CIT: variants seen among roughly 807,000 people sequenced by gnomAD.
The protein encoded by CIT is citron rho-interacting serine/threonine kinase, also known as citron Rho-interacting kinase.
A neutral mutation model predicts 272.7 loss-of-function variants in CIT; 79 were observed. That is an observed-to-expected ratio of 0.29 (90% CI 0.24 to 0.35). CIT has a LOEUF of 0.35. Ranked by LOEUF, CIT falls within the 10% of genes least tolerant of loss-of-function variation. CIT has a pLI of 1.00. For missense variants in CIT, 1,909 were observed against 2,618.3 expected (o/e 0.73, Z 5.91); for synonymous variants, 948 against 995.6 (o/e 0.95, Z 0.90).
chr12:119,857,421 G>A lies in CIT; in HGVS notation c.414+102C>T, dbSNP rs7304029. ...TATAATTAAATATAGAGTCACAGAGGAAAACGTGCTTGATCCTAGACGCCA... is the reference window on the plus strand; with the variant it reads ...TATAATTAAATATAGAGTCACAGAGAAAAACGTGCTTGATCCTAGACGCCA... On this transcript the variant is annotated intron_variant, in intron 4 of 47. Coordinates refer to ENST00000392521, the MANE Select transcript of CIT (RefSeq NM_001206999.2). 42,476 of 1,192,116 alleles carry A rather than the reference G, an allele frequency of 0.036. 1,581 individuals are homozygous for A. The highest frequency in any genetic ancestry group is 0.15 in the African/African-American group (9,894 of 65,716). 73.8% of individuals were successfully genotyped at this position (1,192,116 alleles called of 1,614,324 possible).
chr12:119,696,248 T>C (rs1051695271), intron 46 of CIT, among the ~76,000 whole-genome samples: 1 of 152,126 alleles, frequency 6.6e-6, no homozygotes, highest in African/African-American at 2.4e-5. Flanking sequence ...AGAAGTAAAA[T>C]TTAAAAAGAA....
chr12:119,711,021 G>A lies in CIT; in HGVS notation c.4855-401C>T, dbSNP rs759225810. ...AGTGCAAAGGCGCCGTGTTAGCAGC[G>A]AGCCAGCACGCCTCTGCATCTCTTT... On this transcript the variant is annotated intron_variant, in intron 37 of 47. Coordinates refer to ENST00000392521, the MANE Select transcript of CIT (RefSeq NM_001206999.2). 81 of 1,367,364 alleles carry A rather than the reference G, an allele frequency of 5.9e-5. 1 individual carries two copies. The highest frequency in any genetic ancestry group is 7.6e-5 in the Admixed American group (4 of 52,622). The allele number at this position is 1,367,364 out of a possible 1,614,324, so 84.7% of individuals were successfully genotyped here.
chr12:119,713,458 G>T lies in CIT; in HGVS notation c.4487+10C>A. The T allele has an allele frequency of 6.2e-7, 1 of 1,613,154 alleles. No individual in the cohort carries two copies. The highest frequency in any genetic ancestry group is 1.3e-5 in the African/African-American group (1 of 75,066). On this transcript the variant is annotated intron_variant, in intron 34 of 47. Coordinates refer to ENST00000392521, the MANE Select transcript of CIT (RefSeq NM_001206999.2). This position sits in a 1 kb window ranked among gnomAD's most constrained non-coding sequence, Gnocchi z 5.2. ...CACCTGCTCCAGCCCAAGCCACCCT[G>T]ACATGGTACCTGGGCACCTTCATCC...
intron 7 of CIT, among the ~76,000 whole-genome samples, chr12:119,827,504 C>G (rs1451757622): frequency 1.3e-5 from 2 of 151,440 alleles, no homozygotes; most frequent in African/African-American, 4.9e-5. Context: ...GTGCTGCGAT[C>G]TCAGCTCACT....
intron 9 of CIT, among the ~76,000 whole-genome samples, chr12:119,815,537 T>C (rs1390728222): frequency 6.6e-6 from 1 of 151,936 alleles, no homozygotes; most frequent in African/African-American, 2.4e-5. Flanking sequence ...AGAAACCCCA[T>C]CTCTACTAAA....
At chr12:119,744,266 G>A (rs1364343787) in intron 23 of CIT, among the ~76,000 whole-genome samples, 2 of 152,054 alleles carry the variant, frequency 1.3e-5, no homozygotes, top group East Asian at 1.9e-4. Context: ...GAGGAAAGAG[G>A]AGTCAAAGAC....
intron 40 of CIT, among the ~76,000 whole-genome samples, chr12:119,705,957 G>C (rs531677787): frequency 2.9e-4 from 44 of 151,858 alleles, no homozygotes; most frequent in Admixed American, 9.2e-4. Flanking sequence ...TGCTGTGATG[G>C]TGCGTGCCTG....
intron 5 of CIT, among the ~76,000 whole-genome samples, chr12:119,835,003 G>C (rs56711529): frequency 0.054 from 8,155 of 152,164 alleles, 673 homozygotes; most frequent in African/African-American, 0.19. Context: ...AAAGAATAAA[G>C]TACAACCCCT....
rs144005700 is a variant in CIT, at chr12:119,775,787, T to C, written c.1940A>G (p.Lys647Arg). Residue 647 changes from lysine (K) to arginine (R), a missense_variant and splice_region_variant, in exon 16 of 48, where the codon AAG becomes AGG. Around this residue, in one of 8 missense-constraint regions of CIT, gnomAD observed 530 missense variants for 822.4 expected, o/e 0.64. Coordinates refer to ENST00000392521, the MANE Select transcript of CIT (RefSeq NM_001206999.2). ...KIQELQEKLE[K>R]AVKASTEATE... ...CCTGAAAAATCACCTTGGGCTTACC[T>C]TCTCCAGTTTCTCTTGGAGCTCCTG... 285 of 1,613,042 alleles carry C rather than the reference T, an allele frequency of 1.8e-4. No individual in the cohort carries two copies. Among genetic ancestry groups the C allele is most frequent in the Non-Finnish European group, 2.3e-4 (274 of 1,179,128 alleles).
At chr12:119,777,177 C>T (rs1252907731) in intron 13 of CIT, among the ~76,000 whole-genome samples, 3 of 151,964 alleles carry the variant, frequency 2.0e-5, no homozygotes, top group Non-Finnish European at 4.4e-5. Flanking sequence ...ATCGCTTGAA[C>T]CCAGGAGGCA....
chr12:119,845,650 C>G (rs1488618641), intron 5 of CIT, among the ~76,000 whole-genome samples: 4 of 129,724 alleles, frequency 3.1e-5, no homozygotes, highest in Admixed American at 8.3e-5. Context: ...AAGACTCTGT[C>G]TCAAAAAAAA....
In CIT at chr12:119,782,649, A is replaced by G. The variant is rs1964404919; in HGVS notation, c.1546-12T>C. On this transcript the variant is annotated splice_polypyrimidine_tract_variant and intron_variant, in intron 12 of 47. Transcript: ENST00000392521. The stretch of plus-strand genomic sequence containing the variant: ...CTTCGCTTTAAGCTCTGCAGAAAGC[A>G]AAAATTTTAATAGGGATGCCCTGTG... 2 of 1,613,348 alleles carry G rather than the reference A, an allele frequency of 1.2e-6. No individual in the cohort carries two copies. The highest frequency in any genetic ancestry group is 2.7e-5 in the African/African-American group (2 of 74,950).
chr12:119,829,693 C>T (rs892284755), intron 7 of CIT, among the ~76,000 whole-genome samples: 1 of 152,154 alleles, frequency 6.6e-6, no homozygotes, highest in African/African-American at 2.4e-5. Flanking sequence ...CTCAGCTGTT[C>T]ACCATTCTTT....
intron 22 of CIT, among the ~76,000 whole-genome samples, chr12:119,753,362 C>T (rs1470832385): frequency 6.6e-6 from 1 of 152,130 alleles, no homozygotes; most frequent in Non-Finnish European, 1.5e-5. Flanking sequence ...GAAACACTTG[C>T]AAAAGATGTA....
At chr12:119,754,367 G>T (rs1227803213) in intron 22 of CIT, among the ~76,000 whole-genome samples, 1 of 152,318 alleles carries the variant, frequency 6.6e-6, no homozygotes, top group African/African-American at 2.4e-5. Context: ...ACCATGTACA[G>T]GGTAAACACT....
intron 5 of CIT, among the ~76,000 whole-genome samples, chr12:119,841,722 T>C (rs779905708): frequency 2.0e-5 from 3 of 152,238 alleles, no homozygotes; most frequent in Non-Finnish European, 2.9e-5. Flanking sequence ...TCTGAATTTC[T>C]GTTCTTTTTT....
At chr12:119,822,592 G>A (rs557111997) in intron 9 of CIT, among the ~76,000 whole-genome samples, 7 of 152,042 alleles carry the variant, frequency 4.6e-5, no homozygotes, top group Non-Finnish European at 8.8e-5. Context: ...TATTCTAAAG[G>A]CCACATAAAC....
chr12:119,832,771 C>T lies in CIT; in HGVS notation c.753G>A (p.Met251Ile). Residue 251 changes from methionine (M) to isoleucine (I), a missense_variant and splice_region_variant, in exon 7 of 48, where the codon ATG becomes ATA. Physicochemically the swap from Met to Ile is conservative, Grantham distance 10. Coordinates refer to ENST00000392521, the MANE Select transcript of CIT (RefSeq NM_001206999.2). The stretch of plus-strand genomic sequence containing the variant: ...TAAGCTATCTTATTCCATTTTTTAC[C>T]ATCTTGTTTGAATTCATTTTCGCGG... ...GSAAKMNSNK[M>I]VNAKLPIGTP... 6.2e-7 allele frequency: 1 copy of T among 1,610,810 alleles called. No individual in the cohort carries two copies. Among genetic ancestry groups the T allele is most frequent in the Non-Finnish European group, 8.5e-7 (1 of 1,177,160 alleles).
At chr12:119,816,795 G>T (rs1566084403) in intron 9 of CIT, among the ~76,000 whole-genome samples, 1 of 152,202 alleles carries the variant, frequency 6.6e-6, no homozygotes, top group Non-Finnish European at 1.5e-5. Flanking sequence ...TAAATCAATG[G>T]TTCTCAACTG....
Sources: allele counts gnomAD v4.1 joint callset (sites outside exome capture counted in the v4.1 genomes callset), GRCh38; gene constraint gnomAD v4.1.1; regional missense constraint gnomAD v4.1.1; non-coding constraint Gnocchi (gnomAD v3.1); transcripts MANE v1.5; gene names NCBI Gene and HGNC (gene_info 2026-07-23, HGNC 2026-07-21).